Variants in PTPRE observed in about 807,000 individuals in gnomAD.
PTPRE encodes protein tyrosine phosphatase receptor type E.
A neutral mutation model predicts 102.0 loss-of-function variants in PTPRE; 51 were observed. The ratio of observed to expected loss-of-function variants is 0.50; its 90% confidence interval spans 0.40 to 0.63. The LOEUF (loss-of-function observed/expected upper bound fraction) is 0.63, where lower values mean the gene tolerates loss of function less well. Ranked by LOEUF, PTPRE falls within the 30% of genes least tolerant of loss-of-function variation. The pLI, the probability that PTPRE is intolerant of heterozygous loss-of-function variation, is 0.00. For missense variants in PTPRE, 752 were observed against 915.1 expected (o/e 0.82, Z 2.30); for synonymous variants, 345 against 348.2 (o/e 0.99, Z 0.10).
intron 6 of PTPRE, among the ~76,000 whole-genome samples, chr10:128,051,655 G>T (rs1036529536): frequency 2.0e-5 from 3 of 152,182 alleles, no homozygotes; most frequent in African/African-American, 7.2e-5. Context: ...GAATTTTGGG[G>T]GCACCCCATT....
rs186629905 is a variant in PTPRE, at chr10:127,952,548, T to C, written c.-30-29726T>C. On this transcript the variant is annotated intron_variant, in intron 1 of 20. Coordinates refer to ENST00000254667, the MANE Select transcript of PTPRE (RefSeq NM_006504.6). Reference sequence around the variant, plus strand: ...CAGTGCATTGTGGGCTGCAACAAAATGCAGCAAGACAACCCTAATAAAAAT... The same window carrying C: ...CAGTGCATTGTGGGCTGCAACAAAACGCAGCAAGACAACCCTAATAAAAAT... Among the ~76,000 whole-genome samples the C allele has an allele frequency of 3.9e-5, 6 of 152,242 alleles. No individual in the cohort carries two copies. In the East Asian group the frequency reaches 9.6e-4, roughly 24 times the overall value.
At chr10:127,943,387 G>A (rs564178233) in intron 1 of PTPRE, among the ~76,000 whole-genome samples, 30 of 152,274 alleles carry the variant, frequency 2.0e-4, no homozygotes, top group African/African-American at 7.0e-4. Flanking sequence ...CTCCTAGAGT[G>A]TCTCTGCCAC....
chr10:128,047,974 A>G, intron 5 of PTPRE, 137 bp downstream of exon 5: 1 of 818,160 alleles, frequency 1.2e-6, no homozygotes, highest in Non-Finnish European at 1.9e-6. Context: ...TCTACCTGGT[A>G]TGATGCTGTC....
At chr10:127,922,897 C>T (rs987509433) in intron 1 of PTPRE, among the ~76,000 whole-genome samples, 4 of 152,194 alleles carry the variant, frequency 2.6e-5, no homozygotes, top group Non-Finnish European at 4.4e-5. Context: ...CTCTTAGGAC[C>T]TCGTCTTCCA....
At chr10:128,078,350 G>A (rs190996706) in intron 19 of PTPRE, among the ~76,000 whole-genome samples, 28 of 152,366 alleles carry the variant, frequency 1.8e-4, no homozygotes, top group African/African-American at 6.7e-4. Context: ...AACACAGCAC[G>A]CCCAGGGGCA....
At chr10:127,922,533 C>T (rs111455061) in intron 1 of PTPRE, among the ~76,000 whole-genome samples, 24 of 152,308 alleles carry the variant, frequency 1.6e-4, no homozygotes, top group African/African-American at 4.1e-4. Flanking sequence ...CCAGGTGGGC[C>T]GGGGCCATGT....
chr10:128,057,259 C>T (rs1467913026), intron 7 of PTPRE, among the ~76,000 whole-genome samples: 3 of 151,964 alleles, frequency 2.0e-5, no homozygotes, highest in Non-Finnish European at 2.9e-5. Context: ...GGGGGCGGGG[C>T]GTGCAGTTGG....
At chr10:128,019,820 C>T (rs1009751080) in intron 2 of PTPRE, among the ~76,000 whole-genome samples, 8 of 152,318 alleles carry the variant, frequency 5.3e-5, no homozygotes, top group African/African-American at 9.6e-5. Flanking sequence ...ACAGCACCCA[C>T]GGTGCCTCTC....
chr10:127,990,240 C>T lies in PTPRE; in HGVS notation c.-8+7944C>T, dbSNP rs545378681. On this transcript the variant is annotated intron_variant, in intron 2 of 20. Transcript: ENST00000254667. ...CAGCCTGGCCAGTATGGTAAAACCT[C>T]ATCTCCACTAAAAATACAAAAATTA... 4.6e-5 allele frequency among the ~76,000 whole-genome samples: 7 copies of T among 151,802 alleles called. No homozygotes were observed. The South Asian group carries it at 1.5e-3, about 32-fold the overall frequency.
chr10:128,063,036 G>C, intron 9 of PTPRE, 47 bp from the exon 10 acceptor site: 2 of 1,610,874 alleles, frequency 1.2e-6, no homozygotes, highest in Non-Finnish European at 1.7e-6. Flanking sequence ...ACCCCAAAGG[G>C]ACTTCCCTTC....
At chr10:127,933,631 T>G (rs1564807543) in intron 1 of PTPRE, among the ~76,000 whole-genome samples, 1 of 152,248 alleles carries the variant, frequency 6.6e-6, no homozygotes, top group African/African-American at 2.4e-5. Context: ...CACAAATTAA[T>G]ATTAAAAAGC....
intron 1 of PTPRE, among the ~76,000 whole-genome samples, chr10:127,980,521 T>A (rs991940255): frequency 4.6e-5 from 7 of 152,306 alleles, no homozygotes; most frequent in Middle Eastern, 3.4e-3. Context: ...ACTTATTGCA[T>A]TGGCTATGAT....
chr10:127,912,964 T>A (rs918620993), intron 1 of PTPRE, among the ~76,000 whole-genome samples: 5 of 152,222 alleles, frequency 3.3e-5, no homozygotes, highest in African/African-American at 1.2e-4. Flanking sequence ...GGGGCTTTAT[T>A]TTCAAGGGAG....
At chr10:128,082,807 A>G in intron 20 of PTPRE, 25 bp from the exon 21 acceptor site, 1 of 1,541,526 alleles carries the variant, frequency 6.5e-7, no homozygotes, top group Middle Eastern at 1.7e-4. Flanking sequence ...ATATCATTTT[A>G]ATGTGTCCTT....
intron 2 of PTPRE, among the ~76,000 whole-genome samples, chr10:128,034,516 C>A (rs1392712388): frequency 1.7e-5 from 2 of 118,482 alleles, no homozygotes; most frequent in Non-Finnish European, 3.9e-5. Context: ...ATAGTGAGAC[C>A]CCCCCCATCT....
rs151224377 is a variant in PTPRE at position 128,060,599 on chromosome 10, G to T, written c.512-340G>T. 1.6e-4 allele frequency among the ~76,000 whole-genome samples: 25 copies of T among 152,278 alleles called. No individual in the cohort carries two copies. In the East Asian group the frequency reaches 2.7e-3, roughly 16 times the overall value. On this transcript the variant is annotated intron_variant, in intron 7 of 20. Coordinates refer to ENST00000254667, the MANE Select transcript of PTPRE (RefSeq NM_006504.6). ...CCCAGTGCAGGGTTCATAAAATACA[G>T]CCCTTGCACTGCCAGGGGCCTGGCA...
Position 128,053,765 on chromosome 10 carries a change from T to A in PTPRE, c.421-2358T>A, listed in dbSNP as rs543690944. Among the ~76,000 whole-genome samples the A allele has an allele frequency of 7.8e-3, 1,193 of 152,194 alleles. 11 individuals are homozygous for A. The highest frequency in any genetic ancestry group is 0.026 in the African/African-American group (1,083 of 41,528). On this transcript the variant is annotated intron_variant, in intron 6 of 20. Coordinates refer to ENST00000254667, the MANE Select transcript of PTPRE (RefSeq NM_006504.6). ...CAATTTCTTTTAATTTATTTATTTA[T>A]TTATTTATTTTTTGAGAGAGAGTCT...
At chr10:128,075,656 A>T (rs957907255) in intron 17 of PTPRE, among the ~76,000 whole-genome samples, 1 of 152,236 alleles carries the variant, frequency 6.6e-6, no homozygotes, top group African/African-American at 2.4e-5. Flanking sequence ...TGTATAAGAG[A>T]TATCATTCAT....
At chr10:127,965,129 T>C in intron 1 of PTPRE, 1 of 371,826 alleles carries the variant, frequency 2.7e-6, no homozygotes, top group Non-Finnish European at 5.4e-6. Context: ...TTGGCTTTTT[T>C]ACTTCTTAAG....
Sources: allele counts gnomAD v4.1 joint callset (sites outside exome capture counted in the v4.1 genomes callset), GRCh38; gene constraint gnomAD v4.1.1; transcripts MANE v1.5; gene names NCBI Gene and HGNC (gene_info 2026-07-23, HGNC 2026-07-21).